MLXIP: variants seen among roughly 807,000 people sequenced by gnomAD.
MLXIP encodes MLX interacting protein.
A neutral mutation model predicts 87.2 loss-of-function variants in MLXIP; 30 were observed. The ratio of observed to expected loss-of-function variants is 0.34; its 90% CI spans 0.26 to 0.47. The LOEUF is 0.47. Among genes scored for constraint, MLXIP ranks in the 20% least tolerant of loss-of-function variants. The pLI is 1.00. For missense variants in MLXIP, 1,002 were observed against 1,240.1 expected (o/e 0.81, Z 2.88); for synonymous variants, 530 against 514.0 (o/e 1.03, Z -0.42).
At chr12:122,130,505 G>C (rs1028698602) in intron 6 of MLXIP, among the ~76,000 whole-genome samples, 1 of 151,456 alleles carries the variant, frequency 6.6e-6, no homozygotes, top group African/African-American at 2.4e-5. Context: ...CGCTCACCTT[G>C]GTGGCATTCA....
rs944150176 is a variant in MLXIP at position 122,110,450 on chromosome 12, G to A, written c.414-16806G>A. On this transcript the variant is annotated intron_variant, in intron 1 of 16. Transcript: ENST00000319080. ...TTACAGGTATGTGCCACCACGCCCG[G>A]CTAATTTTGTATTTTTAGTAGAGAC... Among the ~76,000 whole-genome samples, 3 of 152,014 alleles carry A rather than the reference G, an allele frequency of 2.0e-5. No individual in the cohort carries two copies. In the South Asian group the frequency reaches 6.3e-4, roughly 32 times the overall value.
chr12:122,130,810 G>A, intron 6 of MLXIP, 34 bp from the exon 7 acceptor site: 2 of 1,503,908 alleles, frequency 1.3e-6, no homozygotes, highest in South Asian at 1.1e-5. Flanking sequence ...TGTCTGAGAA[G>A]ACAAAATGGT....
In MLXIP at chr12:122,118,655, C is replaced by A. The variant is rs527584562; in HGVS notation, c.414-8601C>A. On this transcript the variant is annotated intron_variant, in intron 1 of 16. Coordinates refer to ENST00000319080, the MANE Select transcript of MLXIP (RefSeq NM_014938.6). ...TTGAGGTCAGGAGTTCGAGACCAGC[C>A]TGGCTAACATGGTGAAACCCTGTCT... 2.0e-5 allele frequency among the ~76,000 whole-genome samples: 3 copies of A among 152,122 alleles called. No homozygotes were observed. In the East Asian group the frequency reaches 5.8e-4, roughly 29 times the overall value.
Position 122,078,898 on chromosome 12 carries a change from C to T in MLXIP, c.45C>T (p.Ser15=). Residue 15 remains serine, a synonymous_variant, in exon 1 of 17, where the codon AGC becomes AGT. Transcript: ENST00000319080. ...VFMCSPRRPR[S]RGRQVLLKPQ... ...TGTGCTCCCCGCGCCGGCCTCGCAG[C>T]CGGGGCCGCCAGGTGCTGCTCAAGC... The T allele has an allele frequency of 8.7e-7, 1 of 1,146,064 alleles. No individual in the cohort carries two copies. The highest frequency in any genetic ancestry group is 4.6e-5 in the Admixed American group (1 of 21,888). The allele number at this position is 1,146,064 out of a possible 1,614,324, so 71.0% of individuals were successfully genotyped here. A position where few individuals can be genotyped will look rare whatever the true frequency, so the allele number is the denominator to read the frequency against.
rs1953171302 is a variant in MLXIP, at chr12:122,140,127, T to TC, written c.2509-823dup. Among the ~76,000 whole-genome samples, 4 of 152,258 alleles carry TC rather than the reference T, an allele frequency of 2.6e-5. No homozygotes were observed. The South Asian group carries it at 8.3e-4, about 32-fold the overall frequency. On this transcript the variant is annotated intron_variant, in intron 15 of 16. Coordinates refer to ENST00000319080, the MANE Select transcript of MLXIP (RefSeq NM_014938.6). ...GAGCTTCTTTGATGAAATGGCATAC[T>TC]CCCCATCATCAGGCCGAGGTGGAGG...
rs907286069 is a variant in MLXIP at position 122,129,923 on chromosome 12, G to A, written c.739-18G>A. ...GTTACTCTTTGATGCTTCCTCCCCT[G>A]TGTTGGTGTTGTGTTAGGACGATGA... On this transcript the variant is annotated intron_variant, in intron 5 of 16. Transcript: ENST00000319080. 1.2e-6 allele frequency: 2 copies of A among 1,601,390 alleles called. No homozygotes were observed. Among genetic ancestry groups the A allele is most frequent in the Non-Finnish European group, 1.7e-6 (2 of 1,171,176 alleles).
chr12:122,078,913 G>A lies in MLXIP; in HGVS notation c.60G>A (p.Val20=), dbSNP rs950718397. The A allele has an allele frequency of 1.7e-6, 2 of 1,144,796 alleles. No homozygotes were observed. Among genetic ancestry groups the A allele is most frequent in the Admixed American group, 4.6e-5 (1 of 21,910 alleles). The allele number at this position is 1,144,796 out of a possible 1,614,324, so 70.9% of individuals were successfully genotyped here. A position where few individuals can be genotyped will look rare whatever the true frequency, so the allele number is the denominator to read the frequency against. ...PRRPRSRGRQ[V]LLKPQVSEDD... Reference sequence around the variant, plus strand: ...GGCCTCGCAGCCGGGGCCGCCAGGTGCTGCTCAAGCCCCAGGTGTCCGAGG... The same window carrying A: ...GGCCTCGCAGCCGGGGCCGCCAGGTACTGCTCAAGCCCCAGGTGTCCGAGG... Residue 20 remains valine, a synonymous_variant, in exon 1 of 17, where the codon GTG becomes GTA. Transcript: ENST00000319080.
intron 1 of MLXIP, among the ~76,000 whole-genome samples, chr12:122,097,610 C>A (rs987689633): frequency 9.3e-6 from 1 of 107,144 alleles, no homozygotes; most frequent in Non-Finnish European, 1.9e-5. Flanking sequence ...GAGACCCTGC[C>A]TCTAAAAAAA....
chr12:122,126,717 G>A (rs1035055743), intron 1 of MLXIP, among the ~76,000 whole-genome samples: 2 of 152,170 alleles, frequency 1.3e-5, no homozygotes, highest in Non-Finnish European at 2.9e-5. Flanking sequence ...ATATGCCAAA[G>A]TAGACGGAAG....
At chr12:122,139,058 G>A (rs1953149568) in intron 15 of MLXIP, 120 bp downstream of exon 15, 1 of 1,432,474 alleles carries the variant, frequency 7.0e-7, no homozygotes, top group Non-Finnish European at 9.4e-7. Context: ...AGCTCCTCAC[G>A]ACAGGCAGTG....
At chr12:122,088,037 C>G (rs930053503) in intron 1 of MLXIP, among the ~76,000 whole-genome samples, 3 of 152,188 alleles carry the variant, frequency 2.0e-5, no homozygotes, top group African/African-American at 7.2e-5. Flanking sequence ...GCACAAAGCT[C>G]GGCTGCCTGG....
rs758964537 is a variant in MLXIP at position 122,140,940 on chromosome 12, A to G, written c.2509-14A>G. 1 of 1,613,820 alleles carries G rather than the reference A, an allele frequency of 6.2e-7. No homozygotes were observed. The highest frequency in any genetic ancestry group is 8.5e-7 in the Non-Finnish European group (1 of 1,179,844). ...CCTCTCCGTGCTTGCCTTTTCTTTA[A>G]CCACACACTGCAGTTCAGCATCATC... On this transcript the variant is annotated splice_polypyrimidine_tract_variant and intron_variant, in intron 15 of 16. Coordinates refer to ENST00000319080, the MANE Select transcript of MLXIP (RefSeq NM_014938.6).
Position 122,133,225 on chromosome 12 carries a change from G to A in MLXIP, c.1093-123G>A, listed in dbSNP as rs1006398755. ...TCAGATCAGCAGCCATGGACGTGGA[G>A]ACGTGGCCTTTGTCCCTCTGTCCCA... is the stretch of plus-strand genomic sequence containing the variant. On this transcript the variant is annotated intron_variant, in intron 8 of 16. Transcript: ENST00000319080. This position sits in a 1 kb window ranked among gnomAD's most constrained non-coding sequence, Gnocchi z 4.9. 9.2e-7 allele frequency: 1 copy of A among 1,082,074 alleles called. No homozygotes were observed. Among genetic ancestry groups the A allele is most frequent in the African/African-American group, 1.6e-5 (1 of 63,396 alleles). 67.0% of individuals were successfully genotyped at this position (1,082,074 alleles called of 1,614,324 possible). A position where few individuals can be genotyped will look rare whatever the true frequency, so the allele number is the denominator to read the frequency against.
Position 122,135,816 on chromosome 12 carries a change from C to G in MLXIP, c.2032+150C>G. ...CTTGTAGGCCTGCTGATAACACAGT[C>G]TGGGAACACGCTCTGTGGGTGGCAG... On this transcript the variant is annotated intron_variant, in intron 11 of 16. Transcript: ENST00000319080. The surrounding 1 kb of genome is among the most constrained non-coding windows in gnomAD (Gnocchi z 5.3). The G allele has an allele frequency of 1.1e-6, 1 of 941,276 alleles. No individual in the cohort carries two copies. The allele number at this position is 941,276 out of a possible 1,614,324, so 58.3% of individuals were successfully genotyped here.
At chr12:122,138,582 G>A (rs1953137943) in intron 14 of MLXIP, 31 bp downstream of exon 14, 1 of 1,595,522 alleles carries the variant, frequency 6.3e-7, no homozygotes, top group Non-Finnish European at 8.5e-7. Context: ...GCTCCAACCA[G>A]GCACCCCATC....
At chr12:122,083,239 G>C (rs536906955) in intron 1 of MLXIP, among the ~76,000 whole-genome samples, 2 of 152,216 alleles carry the variant, frequency 1.3e-5, no homozygotes, top group African/African-American at 2.4e-5. Flanking sequence ...TATTTCCGGT[G>C]GTGGGGGGAA....
rs1331808205 is a variant in MLXIP, at chr12:122,078,785, G to A, written c.-69G>A. 4.9e-6 allele frequency: 5 copies of A among 1,018,822 alleles called. No individual in the cohort carries two copies. In the Admixed American group the frequency reaches 1.8e-4, roughly 36 times the overall value. The allele number at this position is 1,018,822 out of a possible 1,614,324, so 63.1% of individuals were successfully genotyped here. ...GGCGCGCGGGCCGGGCCGGGCCGGC[G>A]CCCCTCTGCCTCGCGCGCTTGTCGC... is the stretch of plus-strand genomic sequence containing the variant. On this transcript the variant is annotated 5_prime_UTR_variant, in exon 1 of 17. Coordinates refer to ENST00000319080, the MANE Select transcript of MLXIP (RefSeq NM_014938.6).
rs191911632 is a variant in MLXIP, at chr12:122,143,111, A to G, written c.*1299A>G. ...GGGTACCTCCTCGTGGAAAGAATGC[A>G]CTTTAAAGCTCTGCTGAGGAGTTCG... On this transcript the variant is annotated 3_prime_UTR_variant, in exon 17 of 17. Transcript: ENST00000319080. 10 of 152,520 alleles carry G rather than the reference A, an allele frequency of 6.6e-5. No homozygotes were observed. Among genetic ancestry groups the G allele is most frequent in the Admixed American group, 6.5e-4 (10 of 15,306 alleles). 9.4% of individuals were successfully genotyped at this position (152,520 alleles called of 1,614,324 possible). A position where few individuals can be genotyped will look rare whatever the true frequency, so the allele number is the denominator to read the frequency against.
In MLXIP at chr12:122,078,798, GCGCGCTTGT is replaced by G. The variant is rs1952046807; in HGVS notation, c.-51_-43del. 9.7e-7 allele frequency: 1 copy of G among 1,026,280 alleles called. No homozygotes were observed. Among genetic ancestry groups the G allele is most frequent in the African/African-American group, 1.8e-5 (1 of 56,644 alleles). The allele number at this position is 1,026,280 out of a possible 1,614,324, so 63.6% of individuals were successfully genotyped here. On this transcript the variant is annotated 5_prime_UTR_variant, in exon 1 of 17. Coordinates refer to ENST00000319080, the MANE Select transcript of MLXIP (RefSeq NM_014938.6). ...GGCCGGGCCGGCGCCCCTCTGCCTC[GCGCGCTTGT>G]CGCGTTGCCCCGGGCTCCGGGGGAT...
Sources: allele counts gnomAD v4.1 joint callset (sites outside exome capture counted in the v4.1 genomes callset), GRCh38; gene constraint gnomAD v4.1.1; non-coding constraint Gnocchi (gnomAD v3.1); transcripts MANE v1.5; gene names NCBI Gene and HGNC (gene_info 2026-07-23, HGNC 2026-07-21).